TXNL4A: variants seen among roughly 807,000 people sequenced by gnomAD.
TXNL4A encodes thioredoxin like 4A.
In TXNL4A, 17 loss-of-function variants were observed where a neutral mutation model predicts 14.6. The ratio of observed to expected loss-of-function variants is 1.16; its 90% CI spans 0.80 to 1.74. The LOEUF (loss-of-function observed/expected upper bound fraction) is 1.74. TXNL4A is among the 40% of genes most tolerant of loss of function. The pLI, the probability that TXNL4A is intolerant of heterozygous loss-of-function variation, is 0.00. For missense variants in TXNL4A, 74 were observed against 195.2 expected (o/e 0.38, Z 3.70); for synonymous variants, 83 against 70.6 (o/e 1.18, Z -0.88).
chr18:80,033,832 C>G (rs1346480833), intron 1 of TXNL4A: 7 of 149,598 alleles, frequency 4.7e-5, no homozygotes, highest in South Asian at 2.1e-4. Flanking sequence ...GCCGCCCCCC[C>G]CGCCCGCACA....
At chr18:80,025,956 G>A (rs1599757374) in intron 1 of TXNL4A, among the ~76,000 whole-genome samples, 1 of 152,332 alleles carries the variant, frequency 6.6e-6, no homozygotes, top group Non-Finnish European at 1.5e-5. Context: ...GCTGTGGATT[G>A]GAGAAAAATC....
At chr18:79,978,025 C>T (rs7228971) in intron 1 of TXNL4A, 218,764 of 256,908 alleles carry the variant, frequency 0.85, 93,582 homozygotes, top group South Asian at 0.94. Flanking sequence ...AGCAAACACG[C>T]GGGAAGATCA....
chr18:79,977,560 C>T (rs902551697), intron 2 of TXNL4A, 38 bp downstream of exon 2: 3 of 1,446,894 alleles, frequency 2.1e-6, no homozygotes, highest in East Asian at 4.5e-5. Context: ...TCCAAACTGA[C>T]AATATTCAAT....
intron 1 of TXNL4A, among the ~76,000 whole-genome samples, chr18:80,033,479 C>T (rs73971825): frequency 0.013 from 1,996 of 152,334 alleles, 29 homozygotes; most frequent in African/African-American, 0.045. Flanking sequence ...CTGGGGAGGA[C>T]GCCCAATCTG....
intron 1 of TXNL4A, among the ~76,000 whole-genome samples, chr18:79,986,974 C>G (rs1347604654): frequency 1.3e-5 from 2 of 152,236 alleles, no homozygotes; most frequent in Admixed American, 6.5e-5. Context: ...AGAACTGCTG[C>G]TCTCCCGAAT....
At chr18:80,010,879 G>A (rs2051765088) in intron 1 of TXNL4A, among the ~76,000 whole-genome samples, 2 of 152,030 alleles carry the variant, frequency 1.3e-5, no homozygotes, top group South Asian at 4.2e-4. Flanking sequence ...TTCCCTTGCT[G>A]TCTACCTAAG....
At chr18:79,985,582 C>G (rs1223698287) in intron 1 of TXNL4A, among the ~76,000 whole-genome samples, 1 of 152,216 alleles carries the variant, frequency 6.6e-6, no homozygotes, top group East Asian at 1.9e-4. Flanking sequence ...ATCACTTTAT[C>G]AAATGAATTG....
At chr18:80,000,773 C>T (rs1266005024) in intron 1 of TXNL4A, among the ~76,000 whole-genome samples, 1 of 152,146 alleles carries the variant, frequency 6.6e-6, no homozygotes, top group Non-Finnish European at 1.5e-5. Context: ...CCTGCCTCAG[C>T]CTCCTGAGTG....
intron 1 of TXNL4A, among the ~76,000 whole-genome samples, chr18:80,007,178 C>T (rs1054240830): frequency 3.2e-4 from 49 of 152,302 alleles, no homozygotes; most frequent in Non-Finnish European, 4.4e-4. Context: ...ACTGAGGACT[C>T]TCTTACCCTT....
chr18:80,024,893 C>T (rs1391407549), intron 1 of TXNL4A, among the ~76,000 whole-genome samples: 4 of 152,194 alleles, frequency 2.6e-5, no homozygotes, highest in African/African-American at 9.7e-5. Context: ...GTCCCGACTT[C>T]ATCAAATCTG....
upstream of TXNL4A, among the ~76,000 whole-genome samples, chr18:79,993,462 CT>C (rs2051640985): frequency 6.6e-6 from 1 of 152,168 alleles, no homozygotes; most frequent in Non-Finnish European, 1.5e-5. The surrounding 1 kb of genome is among the most constrained non-coding windows in gnomAD (Gnocchi z 4.4). Context: ...GGGATTTTGT[CT>C]TGCAAATTCT....
chr18:79,975,723 A>T (rs1422159032), intron 2 of TXNL4A, among the ~76,000 whole-genome samples: 1 of 152,214 alleles, frequency 6.6e-6, no homozygotes, highest in Non-Finnish European at 1.5e-5. Context: ...CCCCCGTTAC[A>T]GAGTGGCCGA....
chr18:79,985,070 C>G (rs1481165164), intron 1 of TXNL4A, among the ~76,000 whole-genome samples: 2 of 151,804 alleles, frequency 1.3e-5, no homozygotes, highest in Admixed American at 1.3e-4. Context: ...TGACGGTGTT[C>G]CTACAAAATG....
At chr18:80,026,291 C>T (rs1423177550) in intron 1 of TXNL4A, among the ~76,000 whole-genome samples, 1 of 152,132 alleles carries the variant, frequency 6.6e-6, no homozygotes, top group African/African-American at 2.4e-5. Flanking sequence ...ACCTATCAGC[C>T]CCAGACAGGT....
chr18:79,977,257 G>A, intron 2 of TXNL4A: 1 of 336,182 alleles, frequency 3.0e-6, no homozygotes, highest in Non-Finnish European at 5.4e-6. Context: ...ACTGTGCCCG[G>A]CCTAAATTTG....
intron 1 of TXNL4A, among the ~76,000 whole-genome samples, chr18:79,984,622 G>C (rs1470694555): frequency 6.6e-6 from 1 of 152,018 alleles, no homozygotes; most frequent in South Asian, 2.1e-4. Flanking sequence ...GAATTTTTTT[G>C]TTTTGTTTTT....
chr18:79,976,086 G>T (rs758473637), intron 2 of TXNL4A, among the ~76,000 whole-genome samples: 3 of 152,174 alleles, frequency 2.0e-5, no homozygotes, highest in Non-Finnish European at 4.4e-5. Context: ...GAAGCCAAGG[G>T]CGTGTCCAGG....
chr18:80,004,655 G>A (rs2051718113), intron 1 of TXNL4A, among the ~76,000 whole-genome samples: 1 of 152,168 alleles, frequency 6.6e-6, no homozygotes, highest in South Asian at 2.1e-4. Context: ...ACTCCTCTGT[G>A]TACACATTGA....
chr18:80,005,583 G>A (rs2051724562), intron 1 of TXNL4A, among the ~76,000 whole-genome samples: 1 of 152,218 alleles, frequency 6.6e-6, no homozygotes, highest in Non-Finnish European at 1.5e-5. Context: ...GGAGCTTATA[G>A]CAGGGCTTCT....
Sources: allele counts gnomAD v4.1 joint callset (sites outside exome capture counted in the v4.1 genomes callset), GRCh38; gene constraint gnomAD v4.1.1; non-coding constraint Gnocchi (gnomAD v3.1); transcripts MANE v1.5; gene names NCBI Gene and HGNC (gene_info 2026-07-23, HGNC 2026-07-21).